The following PDE10A variants were observed in gnomAD, a reference collection of about 807,000 sequenced individuals.
PDE10A encodes the protein phosphodiesterase 10A.
PDE10A carries 39 observed loss-of-function variants against 97.7 expected under a neutral mutation model. The ratio of observed to expected loss-of-function variants is 0.40; its 90% CI spans 0.31 to 0.52. The LOEUF is 0.52. Among genes scored for constraint, PDE10A ranks in the 20% least tolerant of loss-of-function variants. PDE10A has a pLI of 0.56. For missense variants in PDE10A, 731 were observed against 1,047.8 expected (o/e 0.70, Z 4.17); for synonymous variants, 371 against 376.8 (o/e 0.98, Z 0.18).
chr6:165,360,497 C>T (rs1449381702), intron 18 of PDE10A, among the ~76,000 whole-genome samples: 1 of 152,174 alleles, frequency 6.6e-6, no homozygotes, highest in Non-Finnish European at 1.5e-5. Context: ...CACCTACCAT[C>T]CAATGTCAGT....
chr6:165,429,834 A>T lies in PDE10A; in HGVS notation c.1601+453T>A, dbSNP rs377441147. Among the ~76,000 whole-genome samples the T allele has an allele frequency of 8.0e-4, 122 of 152,190 alleles. 3 individuals are homozygous for T. The South Asian group carries it at 0.023, about 29-fold the overall frequency. On this transcript the variant is annotated intron_variant, in intron 9 of 21. Transcript: ENST00000539869. The stretch of plus-strand genomic sequence containing the variant: ...CTAGGCCAAACCAGCGAAATAAAAC[A>T]TTTTCTCAGAAATGATAACTGAGAT...
At chr6:165,657,257 T>C (rs1790013013) in intron 1 of PDE10A, among the ~76,000 whole-genome samples, 1 of 152,230 alleles carries the variant, frequency 6.6e-6, no homozygotes, top group South Asian at 2.1e-4. Flanking sequence ...ACAAGAGTAC[T>C]GGATACCTTC....
At chr6:165,427,480 G>A (rs1789247079) in intron 10 of PDE10A, among the ~76,000 whole-genome samples, 2 of 152,052 alleles carry the variant, frequency 1.3e-5, no homozygotes, top group African/African-American at 4.8e-5. Context: ...TGGAAATAGG[G>A]GCGTAAGGAA....
At chr6:165,569,413 T>C (rs1784942999) in intron 1 of PDE10A, among the ~76,000 whole-genome samples, 1 of 152,256 alleles carries the variant, frequency 6.6e-6, no homozygotes, top group South Asian at 2.1e-4. Context: ...TGTAAGACTG[T>C]GTCAATATTC....
intron 13 of PDE10A, among the ~76,000 whole-genome samples, chr6:165,408,461 A>G (rs1188846484): frequency 6.6e-6 from 1 of 152,182 alleles, no homozygotes; most frequent in Admixed American, 6.5e-5. Context: ...TCGGTGCCAC[A>G]GTGATGACCA....
intron 2 of PDE10A, among the ~76,000 whole-genome samples, chr6:165,507,582 G>C (rs1016422539): frequency 6.6e-6 from 1 of 151,936 alleles, no homozygotes; most frequent in Non-Finnish European, 1.5e-5. Context: ...CCTATCTCCC[G>C]CCAGATTTGT....
intron 2 of PDE10A, among the ~76,000 whole-genome samples, chr6:165,537,512 C>T (rs1184717575): frequency 1.3e-5 from 2 of 151,878 alleles, no homozygotes; most frequent in African/African-American, 4.8e-5. Flanking sequence ...CAAATATCAC[C>T]TGAACCTCAT....
intron 1 of PDE10A, among the ~76,000 whole-genome samples, chr6:165,860,861 T>C (rs1780882909): frequency 6.6e-6 from 1 of 152,144 alleles, no homozygotes; most frequent in Non-Finnish European, 1.5e-5. Context: ...CCTGAAGGGC[T>C]CCCGCACCCA....
chr6:165,496,548 T>C (rs1011782590), intron 2 of PDE10A, among the ~76,000 whole-genome samples: 2 of 152,242 alleles, frequency 1.3e-5, no homozygotes, highest in Non-Finnish European at 2.9e-5. Flanking sequence ...TAAATTGTTT[T>C]GTTCCTGTCC....
chr6:165,827,943 G>A (rs375597181), intron 1 of PDE10A, among the ~76,000 whole-genome samples: 10 of 152,258 alleles, frequency 6.6e-5, no homozygotes, highest in African/African-American at 2.2e-4. Context: ...ACTTAGAATA[G>A]TGGTCTCCAA....
At chr6:165,398,656 A>G (rs185739100) in intron 13 of PDE10A, among the ~76,000 whole-genome samples, 1 of 152,288 alleles carries the variant, frequency 6.6e-6, no homozygotes, top group Non-Finnish European at 1.5e-5. Flanking sequence ...ATTTTTATAT[A>G]TTACCAATAT....
At chr6:165,848,772 G>A (rs983732696) in intron 1 of PDE10A, among the ~76,000 whole-genome samples, 27 of 152,146 alleles carry the variant, frequency 1.8e-4, no homozygotes, top group Non-Finnish European at 2.9e-5. Flanking sequence ...GGGAATCAAG[G>A]TTGGTTAATC....
chr6:165,881,634 A>G (rs2453398), intron 1 of PDE10A, among the ~76,000 whole-genome samples: 114,119 of 148,400 alleles, frequency 0.77, 44,071 homozygotes, highest in East Asian at 0.96. Flanking sequence ...CGATCTCTTG[A>G]CCTCGTGATC....
chr6:165,381,631 ATTTTTTTTTTT>A (rs547827126), intron 17 of PDE10A, among the ~76,000 whole-genome samples: 4 of 118,686 alleles, frequency 3.4e-5, no homozygotes, highest in Non-Finnish European at 5.0e-5. Context: ...CACCTGGCTA[ATTTTTTTTTTT>A]TTTTTTTTTT....
intron 18 of PDE10A, among the ~76,000 whole-genome samples, chr6:165,366,682 A>T (rs761796137): frequency 2.0e-5 from 3 of 152,198 alleles, no homozygotes; most frequent in Non-Finnish European, 4.4e-5. Context: ...GTCAGAGCAC[A>T]CACAAGTTGA....
chr6:165,758,465 A>AAAG, intron 1 of PDE10A, among the ~76,000 whole-genome samples: 1 of 134,854 alleles, frequency 7.4e-6, no homozygotes, highest in South Asian at 2.6e-4. Flanking sequence ...TGTCTTGAAA[A>AAAG]AAGAAGAAGA....
At chr6:165,615,200 ACTCCATCTC>A in intron 1 of PDE10A, among the ~76,000 whole-genome samples, 1 of 134,950 alleles carries the variant, frequency 7.4e-6, no homozygotes, top group Non-Finnish European at 1.6e-5. Flanking sequence ...ACAGAGCAAG[ACTCCATCTC>A]AGAAAAAAAA....
At position 165,482,645 on chromosome 6, in the gene PDE10A, T is replaced by C. The variant is rs141693930; in HGVS notation, c.995-302A>G. Among the ~76,000 whole-genome samples, 732 of 152,272 alleles carry C rather than the reference T, an allele frequency of 4.8e-3. 8 individuals are homozygous for C. Among genetic ancestry groups the C allele is most frequent in the African/African-American group, 0.017 (705 of 41,556 alleles). On this transcript the variant is annotated intron_variant, in intron 2 of 21. Coordinates refer to ENST00000539869, the MANE Select transcript of PDE10A (RefSeq NM_001385079.1). ...ACACTGGGGTATATTCAACTACACATACCTAAAGTGGGGTTTATAACACTT... is the reference window on the plus strand; with the variant it reads ...ACACTGGGGTATATTCAACTACACACACCTAAAGTGGGGTTTATAACACTT...
chr6:165,798,203 GT>G (rs1418172241), intron 1 of PDE10A, among the ~76,000 whole-genome samples: 64 of 152,300 alleles, frequency 4.2e-4, no homozygotes, highest in African/African-American at 1.5e-3. Flanking sequence ...AAGACCAATT[GT>G]AAATACATAC....
Sources: gnomAD v4.1 joint callset for allele counts (sites outside exome capture counted in the v4.1 genomes callset) on GRCh38, gnomAD v4.1.1 for gene constraint, MANE v1.5 for transcripts, NCBI Gene and HGNC (gene_info 2026-07-23, HGNC 2026-07-21) for gene names.